ZBTB43: variants seen among roughly 807,000 people sequenced by gnomAD.
The protein encoded by ZBTB43 is zinc finger and BTB domain-containing protein 43.
In ZBTB43, 6 loss-of-function variants were observed where a neutral mutation model predicts 31.1. The ratio of observed to expected loss-of-function variants is 0.19; its 90% CI spans 0.11 to 0.38. The LOEUF is 0.38. Among genes scored for constraint, ZBTB43 ranks in the 10% least tolerant of loss-of-function variants. The pLI is 1.00. For missense variants in ZBTB43, 379 were observed against 602.1 expected, an observed-to-expected ratio of 0.63 and a Z score of 3.88; for synonymous variants, 212 against 221.7, an observed-to-expected ratio of 0.96 and a Z score of 0.39.
chr9:126,809,762 C>T (rs949497587), intron 2 of ZBTB43, among the ~76,000 whole-genome samples: 7 of 151,854 alleles, frequency 4.6e-5, no homozygotes, highest in African/African-American at 1.7e-4. Context: ...AGGCTGGCAT[C>T]GGTGTGTTTG....
rs2032785636 is a variant in ZBTB43, at chr9:126,832,507, G to T, written c.-3G>T. ...TGTAGCACCGAACAAGATTTGTGAT[G>T]AAATGGAGCCTGGAACAAACTCTTT... On this transcript the variant is annotated 5_prime_UTR_variant, in exon 3 of 3. An upstream start codon of the reference 5' UTR is lost. Coordinates refer to ENST00000373464, the MANE Select transcript of ZBTB43 (RefSeq NM_014007.4). 6.3e-7 allele frequency: 1 copy of T among 1,599,928 alleles called. No homozygotes were observed. The highest frequency in any genetic ancestry group is 1.3e-5 in the African/African-American group (1 of 74,416).
At chr9:126,820,237 C>G (rs2119137416) in intron 2 of ZBTB43, among the ~76,000 whole-genome samples, 1 of 152,324 alleles carries the variant, frequency 6.6e-6, no homozygotes, top group East Asian at 1.9e-4. Context: ...GAGATGCTAT[C>G]TATGACTTCC....
chr9:126,820,820 T>G (rs895350394), intron 2 of ZBTB43, among the ~76,000 whole-genome samples: 1 of 151,458 alleles, frequency 6.6e-6, no homozygotes, highest in Non-Finnish European at 1.5e-5. Flanking sequence ...TGCAAAAAAT[T>G]AGTGAAGCGT....
At chr9:126,806,251 C>G (rs1158176364) in intron 1 of ZBTB43, among the ~76,000 whole-genome samples, 1 of 152,202 alleles carries the variant, frequency 6.6e-6, no homozygotes, top group African/African-American at 2.4e-5. Context: ...GCTACTGGAA[C>G]AGTAGCAGGG....
intron 2 of ZBTB43, among the ~76,000 whole-genome samples, chr9:126,816,660 T>C (rs2032392486): frequency 6.6e-6 from 1 of 152,220 alleles, no homozygotes. Flanking sequence ...TCTTAGTTCT[T>C]AAGCTAGATG....
intron 1 of ZBTB43, 120 bp from the exon 2 acceptor site, chr9:126,808,673 C>A (rs1348644088): frequency 6.6e-6 from 1 of 152,006 alleles, no homozygotes; most frequent in Non-Finnish European, 1.5e-5. Flanking sequence ...TTAATATAAC[C>A]AAAAATGCCA....
chr9:126,805,641 A>G (rs1310062874), intron 1 of ZBTB43, among the ~76,000 whole-genome samples: 1 of 152,204 alleles, frequency 6.6e-6, no homozygotes, highest in Non-Finnish European at 1.5e-5. Context: ...TCTTTCAGCT[A>G]GGTCGCTGTC....
At position 126,836,340 on chromosome 9, in the gene ZBTB43, T is replaced by C. The variant is rs1460537137; in HGVS notation, c.*2427T>C. 1 of 166,894 alleles carries C rather than the reference T, an allele frequency of 6.0e-6. No homozygotes were observed. Among genetic ancestry groups the C allele is most frequent in the African/African-American group, 2.4e-5 (1 of 41,448 alleles). 10.3% of individuals were successfully genotyped at this position (166,894 alleles called of 1,614,324 possible). ...AGTGTCTTCTTGAAAGCCTTATGTG[T>C]CCATCAGCTACTAAATGTAGAACTT... On this transcript the variant is annotated 3_prime_UTR_variant, in exon 3 of 3. Transcript: ENST00000373464.
intron 1 of ZBTB43, among the ~76,000 whole-genome samples, chr9:126,807,422 A>AT (rs1371013109): frequency 1.3e-5 from 2 of 152,028 alleles, no homozygotes; most frequent in Admixed American, 6.6e-5. Flanking sequence ...GTGTGTCCAT[A>AT]TTTTTTCTAG....
At chr9:126,822,045 C>T (rs55680757) in intron 2 of ZBTB43, among the ~76,000 whole-genome samples, 10,744 of 152,062 alleles carry the variant, frequency 0.071, 546 homozygotes, top group Non-Finnish European at 0.11. Context: ...TTAGTAGAGA[C>T]AGGGTTTCAC....
intron 2 of ZBTB43, among the ~76,000 whole-genome samples, chr9:126,809,293 T>A (rs1311636834): frequency 2.6e-5 from 4 of 152,222 alleles, no homozygotes; most frequent in African/African-American, 4.8e-5. Context: ...ACGGGAGTGT[T>A]GCACAACGCA....
intron 2 of ZBTB43, among the ~76,000 whole-genome samples, chr9:126,823,683 C>T (rs2032566570): frequency 6.6e-6 from 1 of 152,214 alleles, no homozygotes; most frequent in African/African-American, 2.4e-5. Context: ...TTATTGCCCC[C>T]ATCCTACTTT....
At position 126,832,642 on chromosome 9, in the gene ZBTB43, C is replaced by T. The variant is rs373620611; in HGVS notation, c.133C>T (p.Arg45Trp). The T allele has an allele frequency of 8.7e-6, 14 of 1,614,004 alleles. No homozygotes were observed. The highest frequency in any genetic ancestry group is 4.4e-5 in the South Asian group (4 of 91,084). The change falls in exon 3 of 3, where the codon CGG (arginine) becomes TGG (tryptophan). Residue 45 changes from arginine (R) to tryptophan (W), a missense_variant. Around this residue, in one of 5 missense-constraint regions of ZBTB43, gnomAD observed 79 missense variants for 134.4 expected, o/e 0.59. Coordinates refer to ENST00000373464, the MANE Select transcript of ZBTB43 (RefSeq NM_014007.4). ...CATTGTTGTCCAAGGCCACATTTTC[C>T]GGGCACACAAAGCCGTTCTTGCTGC... is the stretch of plus-strand genomic sequence containing the variant. ...VSIVVQGHIF[R>W]AHKAVLAASS...
In ZBTB43 at chr9:126,834,664, G is replaced by A. The variant is rs1205519767; in HGVS notation, c.*751G>A. ...AATTTTATCTAATTGTAATTCTCTA[G>A]GGTGCCAGAGATAGGTATTTCTCAT... On this transcript the variant is annotated 3_prime_UTR_variant, in exon 3 of 3. Transcript: ENST00000373464. 1 of 166,904 alleles carries A rather than the reference G, an allele frequency of 6.0e-6. No homozygotes were observed. The highest frequency in any genetic ancestry group is 1.5e-5 in the Non-Finnish European group (1 of 68,110). The allele number at this position is 166,904 out of a possible 1,614,324, so 10.3% of individuals were successfully genotyped here.
Position 126,836,343 on chromosome 9 carries a change from A to C in ZBTB43, c.*2430A>C, listed in dbSNP as rs1296557440. 1 of 166,802 alleles carries C rather than the reference A, an allele frequency of 6.0e-6. No individual in the cohort carries two copies. Among genetic ancestry groups the C allele is most frequent in the East Asian group, 2.0e-4 (1 of 4,952 alleles). 10.3% of individuals were successfully genotyped at this position (166,802 alleles called of 1,614,324 possible). A position where few individuals can be genotyped will look rare whatever the true frequency, so the allele number is the denominator to read the frequency against. ...GTCTTCTTGAAAGCCTTATGTGTCC[A>C]TCAGCTACTAAATGTAGAACTTAAA... On this transcript the variant is annotated 3_prime_UTR_variant, in exon 3 of 3. Transcript: ENST00000373464.
At chr9:126,832,446 C>G in intron 2 of ZBTB43, 41 bp from the exon 3 acceptor site, 1 of 1,527,678 alleles carries the variant, frequency 6.5e-7, no homozygotes, top group Non-Finnish European at 8.8e-7. Context: ...ATAAGTTTAT[C>G]TTTGGGCTGG....
chr9:126,826,009 G>GC (rs2032625730), intron 2 of ZBTB43, among the ~76,000 whole-genome samples: 1 of 132,778 alleles, frequency 7.5e-6, no homozygotes, highest in East Asian at 2.9e-4. Flanking sequence ...ACCATGCCCA[G>GC]CCAATTTTTT....
At chr9:126,816,973 G>C (rs557880011) in intron 2 of ZBTB43, among the ~76,000 whole-genome samples, 28 of 151,976 alleles carry the variant, frequency 1.8e-4, no homozygotes, top group Non-Finnish European at 3.5e-4. Context: ...GGACCTGTCT[G>C]TCCTTGGCTT....
chr9:126,833,598 C>T lies in ZBTB43; in HGVS notation c.1089C>T (p.His363=). The part of the protein sequence containing the change: ...MVTGIKEEAS[H]LGFSATDKLY... The stretch of plus-strand genomic sequence containing the variant: ...CAGGGATTAAAGAAGAAGCTTCCCA[C>T]TTAGGATTCTCAGCCACTGACAAGC... The change falls in exon 3 of 3, where the codon CAC becomes CAT. Residue 363 remains histidine (H), a synonymous_variant. Transcript: ENST00000373464. The surrounding 1 kb of genome is among the most constrained non-coding windows in gnomAD (Gnocchi z 7.9). 6.2e-7 allele frequency: 1 copy of T among 1,614,100 alleles called. No homozygotes were observed. The highest frequency in any genetic ancestry group is 8.5e-7 in the Non-Finnish European group (1 of 1,179,996).
Sources: allele counts gnomAD v4.1 joint callset (sites outside exome capture counted in the v4.1 genomes callset), GRCh38; gene constraint gnomAD v4.1.1; regional missense constraint gnomAD v4.1.1; non-coding constraint Gnocchi (gnomAD v3.1); transcripts MANE v1.5; gene names NCBI Gene and HGNC (gene_info 2026-07-23, HGNC 2026-07-21).